The following MOCOS variants were observed in gnomAD, a reference collection of about 807,000 sequenced individuals.
MOCOS encodes the protein human molybdenum cofactor sulfurase.
In MOCOS, 86 loss-of-function variants were observed where a neutral mutation model predicts 83.6. The observed-to-expected ratio is 1.03, with a 90% CI of 0.86 to 1.23. The LOEUF is 1.23. Ranked by LOEUF, MOCOS falls within the 50% of genes most tolerant of loss-of-function variation. MOCOS has a pLI of 0.00. For synonymous variants in MOCOS, 445 were observed against 434.7 expected, an observed-to-expected ratio of 1.02 and a Z score of -0.29; for missense variants, 1,120 against 1,126.9, an observed-to-expected ratio of 0.99 and a Z score of 0.09.
intron 9 of MOCOS, among the ~76,000 whole-genome samples, chr18:36,221,622 CTGTT>C (rs1246337302): frequency 9.2e-6 from 1 of 109,134 alleles, no homozygotes. Context: ...CTGTTCTGTT[CTGTT>C]CTGTTCTGTT....
At chr18:36,231,185 TA>T (rs1205057269) in intron 9 of MOCOS, among the ~76,000 whole-genome samples, 2 of 152,216 alleles carry the variant, frequency 1.3e-5, no homozygotes, top group African/African-American at 4.8e-5. Flanking sequence ...TTGTTTATCA[TA>T]TTTTTTCCCA....
chr18:36,213,801 C>A (rs906031652), intron 7 of MOCOS, among the ~76,000 whole-genome samples: 1 of 151,804 alleles, frequency 6.6e-6, no homozygotes, highest in South Asian at 2.1e-4. Flanking sequence ...TGATGGCATG[C>A]GCCTGTAATC....
chr18:36,265,133 C>T (rs1949737462), intron 13 of MOCOS, among the ~76,000 whole-genome samples: 1 of 111,878 alleles, frequency 8.9e-6, no homozygotes, highest in African/African-American at 3.1e-5. Flanking sequence ...GACGCTGTTA[C>T]TGGGCAAATG....
In MOCOS at chr18:36,192,463, A is replaced by T. The variant is rs77700251; in HGVS notation, c.143-2794A>T. ...AAGAAATTAAAGAAGACCTAAATAA[A>T]TGGAAAGATATCCTGTACTGATGGG... On this transcript the variant is annotated intron_variant, in intron 1 of 14. Transcript: ENST00000261326. 7.2e-5 allele frequency among the ~76,000 whole-genome samples: 11 copies of T among 152,348 alleles called. No homozygotes were observed. The East Asian group carries it at 2.1e-3, about 29-fold the overall frequency.
chr18:36,229,935 T>C (rs755678003), intron 9 of MOCOS, among the ~76,000 whole-genome samples: 7 of 152,200 alleles, frequency 4.6e-5, no homozygotes, highest in South Asian at 2.1e-4. Flanking sequence ...ACTGTCTTTA[T>C]AGAGTTATTT....
intron 12 of MOCOS, among the ~76,000 whole-genome samples, chr18:36,258,142 C>T (rs1019402638): frequency 4.6e-5 from 7 of 150,958 alleles, no homozygotes; most frequent in African/African-American, 1.5e-4. Context: ...TGGGGTTCTT[C>T]GTGTGGAAAG....
At chr18:36,201,578 C>T (rs118111115) in intron 4 of MOCOS, among the ~76,000 whole-genome samples, 7,067 of 140,722 alleles carry the variant, frequency 0.05, 222 homozygotes, top group East Asian at 0.1. Flanking sequence ...AGGAGAATTG[C>T]TTGAGCCCAG....
intron 1 of MOCOS, among the ~76,000 whole-genome samples, chr18:36,191,095 C>T (rs905880800): frequency 2.0e-5 from 3 of 151,606 alleles, no homozygotes. Flanking sequence ...CTCTGTCTCT[C>T]TCTGTCTCTC....
At chr18:36,229,631 T>G (rs138127572) in intron 9 of MOCOS, among the ~76,000 whole-genome samples, 4 of 152,276 alleles carry the variant, frequency 2.6e-5, no homozygotes, top group African/African-American at 9.6e-5. Flanking sequence ...ACTCCCATAA[T>G]GTATATATTG....
At chr18:36,227,875 G>T (rs978738112) in intron 9 of MOCOS, among the ~76,000 whole-genome samples, 3 of 152,108 alleles carry the variant, frequency 2.0e-5, no homozygotes, top group African/African-American at 7.2e-5. Flanking sequence ...CACAGCAAAA[G>T]GAATGATCAA....
At chr18:36,250,106 T>A (rs1473298774) in intron 10 of MOCOS, among the ~76,000 whole-genome samples, 1 of 152,176 alleles carries the variant, frequency 6.6e-6, no homozygotes, top group African/African-American at 2.4e-5. Context: ...CTTGGGAAAT[T>A]TATCCTATCT....
intron 14 of MOCOS, among the ~76,000 whole-genome samples, chr18:36,267,204 A>G (rs2091684880): frequency 6.6e-6 from 1 of 152,250 alleles, no homozygotes; most frequent in East Asian, 1.9e-4. Flanking sequence ...GAGTAGCTGC[A>G]TAGAAAGAGT....
chr18:36,228,857 T>G (rs1598582191), intron 9 of MOCOS, among the ~76,000 whole-genome samples: 3 of 142,668 alleles, frequency 2.1e-5, no homozygotes, highest in African/African-American at 5.2e-5. Context: ...AAAAAAAAGA[T>G]GAGATCTCGC....
In MOCOS at chr18:36,241,796, G is replaced by T. The variant is rs372049098; in HGVS notation, c.1961-7126G>T. Among the ~76,000 whole-genome samples the T allele has an allele frequency of 2.2e-3, 342 of 152,308 alleles. 1 individual carries two copies. Among genetic ancestry groups the T allele is most frequent in the African/African-American group, 7.1e-3 (294 of 41,576 alleles). ...TACCAAATCTCAGTTCTTGACTTTT[G>T]TGTACCCACAGGCCCAATACCACAT... On this transcript the variant is annotated intron_variant, in intron 9 of 14. Transcript: ENST00000261326.
intron 11 of MOCOS, 54 bp from the exon 12 acceptor site, chr18:36,256,914 T>G (rs1385196584): frequency 7.1e-7 from 1 of 1,416,402 alleles, no homozygotes; most frequent in Admixed American, 1.7e-5. Context: ...GGAAACATGA[T>G]TCACTGGCAT....
intron 7 of MOCOS, 31 bp from the exon 8 acceptor site, chr18:36,215,485 C>A (rs762670654): frequency 1.2e-6 from 2 of 1,601,454 alleles, no homozygotes; most frequent in Non-Finnish European, 1.7e-6. Flanking sequence ...AAAGGGGTCA[C>A]TCTGGCTGAT....
chr18:36,220,299 A>T, intron 9 of MOCOS, 82 bp downstream of exon 9: 1 of 1,552,584 alleles, frequency 6.4e-7, no homozygotes, highest in Non-Finnish European at 8.8e-7. Flanking sequence ...CAAGTGTTAG[A>T]ATAACCCATC....
chr18:36,266,471 A>G (rs1407262582), intron 13 of MOCOS, among the ~76,000 whole-genome samples: 1 of 152,104 alleles, frequency 6.6e-6, no homozygotes, highest in Non-Finnish European at 1.5e-5. Context: ...TTGTCTTCCC[A>G]GTCACTGAGT....
At chr18:36,255,894 T>C (rs1400096798) in intron 11 of MOCOS, among the ~76,000 whole-genome samples, 1 of 112,954 alleles carries the variant, frequency 8.9e-6, no homozygotes, top group Non-Finnish European at 1.8e-5. Flanking sequence ...GTTTTTTTTT[T>C]TTTTTTTTTT....
Sources: gnomAD v4.1 joint callset for allele counts (sites outside exome capture counted in the v4.1 genomes callset) on GRCh38, gnomAD v4.1.1 for gene constraint, MANE v1.5 for transcripts, NCBI Gene and HGNC (gene_info 2026-07-23, HGNC 2026-07-21) for gene names.